MIPEP: variants seen among roughly 807,000 people sequenced by gnomAD.
MIPEP encodes the protein mitochondrial intermediate peptidase.
A neutral mutation model predicts 90.3 loss-of-function variants in MIPEP; 79 were observed. The observed-to-expected ratio is 0.87, with a 90% CI of 0.73 to 1.05. MIPEP has a LOEUF of 1.05. MIPEP is among the 50% of genes least tolerant of loss of function. The pLI is 0.00. For missense variants in MIPEP, 940 were observed against 905.6 expected (o/e 1.04, Z -0.49); for synonymous variants, 334 against 315.8 (o/e 1.06, Z -0.61).
intron 3 of MIPEP, among the ~76,000 whole-genome samples, chr13:23,880,922 T>G (rs1310464820): frequency 6.6e-6 from 1 of 152,208 alleles, no homozygotes; most frequent in Non-Finnish European, 1.5e-5. Flanking sequence ...TTTTCCCTGT[T>G]GTAAATCCAC....
At position 23,775,422 on chromosome 13, in the gene MIPEP, T is replaced by C. The variant is rs938764203; in HGVS notation, c.1849-15205A>G. Among the ~76,000 whole-genome samples the C allele has an allele frequency of 9.2e-5, 14 of 152,292 alleles. 1 individual carries two copies. Among genetic ancestry groups the C allele is most frequent in the South Asian group, 4.1e-4 (2 of 4,828 alleles). ...GCTCTTTTTAGGCTGGGGATCAGCA[T>C]TGACTCTTGATTCCTTATCCGCAGT... On this transcript the variant is annotated intron_variant, in intron 16 of 18. Coordinates refer to ENST00000382172, the MANE Select transcript of MIPEP (RefSeq NM_005932.4).
chr13:23,805,837 C>A, intron 16 of MIPEP, 113 bp downstream of exon 16: 1 of 1,170,592 alleles, frequency 8.5e-7, no homozygotes, highest in Non-Finnish European at 1.2e-6. Context: ...CATGTGAAGC[C>A]TCAACATAAA....
rs1316030377 is a variant in MIPEP, at chr13:23,889,395, G to C, written c.-75C>G. On this transcript the variant is annotated 5_prime_UTR_variant, in exon 1 of 19. Transcript: ENST00000382172. Reference sequence around the variant, plus strand: ...CTTTCGCTGGGAGCGCGCGCTCCGCGTTTCCAAGGCAGCAGCCCACGCCGC... The same window carrying C: ...CTTTCGCTGGGAGCGCGCGCTCCGCCTTTCCAAGGCAGCAGCCCACGCCGC... 1 of 1,220,206 alleles carries C rather than the reference G, an allele frequency of 8.2e-7. No homozygotes were observed. Among genetic ancestry groups the C allele is most frequent in the Admixed American group, 4.2e-5 (1 of 23,786 alleles). 75.6% of individuals were successfully genotyped at this position (1,220,206 alleles called of 1,614,324 possible). A position where few individuals can be genotyped will look rare whatever the true frequency, so the allele number is the denominator to read the frequency against.
Position 23,885,602 on chromosome 13 carries a change from AAG to A in MIPEP, c.363+729_363+730del, listed in dbSNP as rs567023319. ...CCACAAAAATTAAAAATAAAAAAAA[AAG>A]AAAATTTTGCTATCTCAGCAATGGA... On this transcript the variant is annotated intron_variant, in intron 2 of 18. Transcript: ENST00000382172. 2.6e-3 allele frequency among the ~76,000 whole-genome samples: 389 copies of A among 152,240 alleles called. 1 individual carries two copies. Among genetic ancestry groups the A allele is most frequent in the Non-Finnish European group, 4.6e-3 (310 of 68,016 alleles).
intron 10 of MIPEP, among the ~76,000 whole-genome samples, chr13:23,849,653 T>C (rs1291992146): frequency 6.6e-6 from 1 of 152,190 alleles, no homozygotes; most frequent in Non-Finnish European, 1.5e-5. Flanking sequence ...TCTTTTAAAT[T>C]AAGAACAATA....
Position 23,847,897 on chromosome 13 carries a change from C to T in MIPEP, c.1107-6409G>A, listed in dbSNP as rs528499670. Among the ~76,000 whole-genome samples the T allele has an allele frequency of 1.1e-4, 16 of 152,246 alleles. No individual in the cohort carries two copies. The East Asian group carries it at 3.1e-3, about 29-fold the overall frequency. ...TGCTTCACAATTTACAAAGCACTTT[C>T]ACATCAAGAATCAAGAATCTCCTTA... On this transcript the variant is annotated intron_variant, in intron 10 of 18. Transcript: ENST00000382172.
chr13:23,778,294 T>A (rs1397592408), intron 16 of MIPEP, among the ~76,000 whole-genome samples: 1 of 152,218 alleles, frequency 6.6e-6, no homozygotes, highest in Non-Finnish European at 1.5e-5. Context: ...AGATAATGTA[T>A]GTTAAAGAAA....
chr13:23,795,782 G>T (rs1221110956), intron 16 of MIPEP, among the ~76,000 whole-genome samples: 2 of 150,250 alleles, frequency 1.3e-5, no homozygotes, highest in African/African-American at 4.9e-5. Flanking sequence ...TTGAGGCCAG[G>T]AGTTTAAGAC....
intron 13 of MIPEP, among the ~76,000 whole-genome samples, chr13:23,836,872 G>A (rs1278630682): frequency 1.3e-5 from 2 of 152,156 alleles, no homozygotes; most frequent in Non-Finnish European, 1.5e-5. Context: ...GACATTTAAC[G>A]ATTGTGTTCA....
At chr13:23,790,586 AGGAGGG>A (rs1952888303) in intron 16 of MIPEP, among the ~76,000 whole-genome samples, 1 of 73,774 alleles carries the variant, frequency 1.4e-5, no homozygotes, top group South Asian at 1.2e-3. Context: ...AAGAAGTAGA[AGGAGGG>A]GGAGGCAATG....
At chr13:23,776,974 T>C (rs1288058973) in intron 16 of MIPEP, among the ~76,000 whole-genome samples, 4 of 152,200 alleles carry the variant, frequency 2.6e-5, no homozygotes, top group Non-Finnish European at 4.4e-5. Context: ...TAGATCATAA[T>C]GTAAAATGCA....
intron 14 of MIPEP, among the ~76,000 whole-genome samples, chr13:23,826,454 G>A (rs1158258914): frequency 6.6e-6 from 1 of 151,964 alleles, no homozygotes; most frequent in Non-Finnish European, 1.5e-5. Flanking sequence ...AAACTGCAAA[G>A]AATCAATACC....
chr13:23,758,977 T>C (rs997191581), intron 17 of MIPEP, among the ~76,000 whole-genome samples: 1 of 152,194 alleles, frequency 6.6e-6, no homozygotes, highest in Non-Finnish European at 1.5e-5. Context: ...GAATACTATG[T>C]GAAAACTCTA....
At chr13:23,860,932 T>G (rs1444147964) in intron 9 of MIPEP, among the ~76,000 whole-genome samples, 1 of 151,940 alleles carries the variant, frequency 6.6e-6, no homozygotes, top group Non-Finnish European at 1.5e-5. Context: ...ACCTAACAAA[T>G]GATTATGGGG....
chr13:23,824,960 T>A (rs1039296225), intron 14 of MIPEP, among the ~76,000 whole-genome samples: 1 of 152,184 alleles, frequency 6.6e-6, no homozygotes, highest in Non-Finnish European at 1.5e-5. Flanking sequence ...GTGATAGGGA[T>A]CCAACTTCCA....
intron 5 of MIPEP, among the ~76,000 whole-genome samples, chr13:23,874,280 A>C (rs1295001864): frequency 2.0e-5 from 3 of 151,768 alleles, no homozygotes; most frequent in Non-Finnish European, 4.4e-5. Context: ...GTTATGTGCT[A>C]GAAAGAACAG....
rs1593178701 is a variant in MIPEP, at chr13:23,831,384, G to GGGGGC, written c.1653+4855_1653+4856insGCCCC. ...GGGGACAGCCTAGCTTCCCCATGGC[G>GGGGGC]GGGGGGGGATGTGGATGGGAATTGC... On this transcript the variant is annotated intron_variant, in intron 14 of 18. Coordinates refer to ENST00000382172, the MANE Select transcript of MIPEP (RefSeq NM_005932.4). 1.4e-3 allele frequency among the ~76,000 whole-genome samples: 36 copies of GGGGGC among 26,028 alleles called. 1 individual carries two copies. The East Asian group carries it at 0.09, about 65-fold the overall frequency. 17.1% of individuals were successfully genotyped at this position (26,028 alleles called of 152,430 possible).
intron 16 of MIPEP, among the ~76,000 whole-genome samples, chr13:23,762,053 A>G (rs1401315415): frequency 6.6e-6 from 1 of 152,128 alleles, no homozygotes; most frequent in Non-Finnish European, 1.5e-5. Flanking sequence ...TGAACCCGGG[A>G]GGCGGAGGTT....
At chr13:23,825,644 T>A (rs796978235) in intron 14 of MIPEP, among the ~76,000 whole-genome samples, 3 of 152,372 alleles carry the variant, frequency 2.0e-5, no homozygotes, top group East Asian at 1.9e-4. Context: ...AATGTTATAA[T>A]ACTGACTTGA....
Sources: gnomAD v4.1 joint callset for allele counts (sites outside exome capture counted in the v4.1 genomes callset) on GRCh38, gnomAD v4.1.1 for gene constraint, MANE v1.5 for transcripts, NCBI Gene and HGNC (gene_info 2026-07-23, HGNC 2026-07-21) for gene names.